Variants in TMEM45B observed in about 807,000 individuals in gnomAD.
TMEM45B encodes the protein transmembrane protein 45B.
A neutral mutation model predicts 27.3 loss-of-function variants in TMEM45B; 29 were observed. The observed-to-expected ratio is 1.06, with a 90% CI of 0.79 to 1.45. The LOEUF is 1.45. TMEM45B is among the 40% of genes most tolerant of loss of function. The probability of loss-of-function intolerance (pLI) is 0.00; values close to 1 mark genes in which losing one functional copy is unlikely to be tolerated. For missense variants in TMEM45B, 348 were observed against 343.9 expected (o/e 1.01, Z -0.09); for synonymous variants, 143 against 134.7 (o/e 1.06, Z -0.43).
At chr11:129,820,996 A>G (rs1591432504) in intron 1 of TMEM45B, among the ~76,000 whole-genome samples, 1 of 151,246 alleles carries the variant, frequency 6.6e-6, no homozygotes. Flanking sequence ...GCTCCTTTAC[A>G]CCCCCACCCT....
chr11:129,846,987 C>T (rs1947768784), intron 1 of TMEM45B, among the ~76,000 whole-genome samples: 1 of 152,094 alleles, frequency 6.6e-6, no homozygotes, highest in Admixed American at 6.6e-5. Context: ...TCGTATATGG[C>T]CTTATTGGCC....
At chr11:129,836,428 G>C (rs531101714) in intron 1 of TMEM45B, among the ~76,000 whole-genome samples, 1 of 152,274 alleles carries the variant, frequency 6.6e-6, no homozygotes, top group Admixed American at 6.5e-5. Flanking sequence ...ATGGGGATAA[G>C]TGTATTTTGC....
chr11:129,834,032 G>A (rs1947586632), intron 1 of TMEM45B, among the ~76,000 whole-genome samples: 1 of 152,228 alleles, frequency 6.6e-6, no homozygotes, highest in Non-Finnish European at 1.5e-5. Context: ...ATAGCGTGCT[G>A]TTGAGCAGAC....
At chr11:129,819,865 A>C (rs1430247999) in intron 1 of TMEM45B, among the ~76,000 whole-genome samples, 6 of 151,946 alleles carry the variant, frequency 3.9e-5, no homozygotes, top group African/African-American at 1.5e-4. Context: ...GTCCTTCTTT[A>C]TAATAAATAA....
rs1181903123 is a variant in TMEM45B at position 129,830,547 on chromosome 11, C to A, written c.-9+14649C>A. ...CAAGGACAGCATCAAGAAAAGACAA[C>A]TCACAGAATGGGAGAAAATATTTGC... On this transcript the variant is annotated intron_variant, in intron 1 of 5. Coordinates refer to ENST00000281441, the MANE Select transcript of TMEM45B (RefSeq NM_138788.5). Among the ~76,000 whole-genome samples the A allele has an allele frequency of 3.9e-5, 6 of 152,154 alleles. No homozygotes were observed. The East Asian group carries it at 9.6e-4, about 24-fold the overall frequency.
intron 4 of TMEM45B, among the ~76,000 whole-genome samples, chr11:129,856,378 A>AT (rs918522410): frequency 4.2e-5 from 6 of 143,768 alleles, no homozygotes; most frequent in African/African-American, 1.0e-4. Context: ...CACCTGGCTA[A>AT]TTTTTTTGTA....
At chr11:129,852,936 T>A (rs773502944) in intron 2 of TMEM45B, 2 of 306,682 alleles carry the variant, frequency 6.5e-6, no homozygotes, top group Non-Finnish European at 1.2e-5. Flanking sequence ...ACCCACTGTA[T>A]GAAAAAGATA....
rs764606680 is a variant in TMEM45B at position 129,857,339 on chromosome 11, T to C, written c.597T>C (p.Phe199=). 1.9e-6 allele frequency: 3 copies of C among 1,614,232 alleles called. No homozygotes were observed. In the Admixed American group the frequency reaches 5.0e-5, roughly 27 times the overall value. Residue 199 remains phenylalanine (F), a synonymous_variant, in exon 5 of 6, where the codon TTT becomes TTC. Coordinates refer to ENST00000281441, the MANE Select transcript of TMEM45B (RefSeq NM_138788.5). The part of the protein sequence containing the change: ...WQIGFVLFPP[F]GTPEWDQKDD... ...TTGGGTTTGTGCTGTTCCCACCTTT[T>C]GGAACACCCGAATGGGACCAGAAGG...
At chr11:129,840,946 T>TAAAAA (rs55905045) in intron 1 of TMEM45B, among the ~76,000 whole-genome samples, 1 of 29,262 alleles carries the variant, frequency 3.4e-5, no homozygotes, top group Non-Finnish European at 6.9e-5. Flanking sequence ...TTTCTTTCTG[T>TAAAAA]AAAAAAAAAA....
At chr11:129,855,324 TCA>T (rs905998360) in intron 3 of TMEM45B, among the ~76,000 whole-genome samples, 1 of 152,074 alleles carries the variant, frequency 6.6e-6, no homozygotes, top group Non-Finnish European at 1.5e-5. Flanking sequence ...CCAGTATGAC[TCA>T]CACTGACTGG....
At chr11:129,857,567 G>A in intron 5 of TMEM45B, 109 bp downstream of exon 5, 2 of 1,268,654 alleles carry the variant, frequency 1.6e-6, no homozygotes, top group East Asian at 2.3e-5. Flanking sequence ...TCTGTGCAAG[G>A]TACTCTCATG....
intron 1 of TMEM45B, among the ~76,000 whole-genome samples, chr11:129,839,724 C>A (rs1189757790): frequency 6.6e-6 from 1 of 152,000 alleles, no homozygotes; most frequent in Non-Finnish European, 1.5e-5. Context: ...TTAGTAGAGA[C>A]GGGTCTCACT....
At chr11:129,832,093 G>A (rs1050301797) in intron 1 of TMEM45B, among the ~76,000 whole-genome samples, 3 of 112,898 alleles carry the variant, frequency 2.7e-5, no homozygotes, top group African/African-American at 3.3e-5. Context: ...AAAAGGATCC[G>A]GACACAGTGG....
chr11:129,835,038 TTA>T (rs1947603717), intron 1 of TMEM45B, among the ~76,000 whole-genome samples: 2 of 152,194 alleles, frequency 1.3e-5, no homozygotes, highest in Admixed American at 1.3e-4. Flanking sequence ...AAAGCAGAAC[TTA>T]TAAATGATGA....
chr11:129,855,754 G>A lies in TMEM45B; in HGVS notation c.432G>A (p.Gln144=). 1.9e-6 allele frequency: 3 copies of A among 1,614,164 alleles called. 1 individual carries two copies. Among genetic ancestry groups the A allele is most frequent in the South Asian group, 2.2e-5 (2 of 91,078 alleles). The change falls in exon 4 of 6, where the codon CAG becomes CAA. Residue 144 remains glutamine (Q), a synonymous_variant. Transcript: ENST00000281441. Reference sequence around the variant, plus strand: ...TCCACAACCGGCCTCCGCTGGACCAGCACATCCACTCACTCCTGCTGTATG... The same window carrying A: ...TCCACAACCGGCCTCCGCTGGACCAACACATCCACTCACTCCTGCTGTATG... ...YHVHNRPPLD[Q]HIHSLLLYAL...
chr11:129,824,359 C>T (rs1005544546), intron 1 of TMEM45B, among the ~76,000 whole-genome samples: 1 of 152,150 alleles, frequency 6.6e-6, no homozygotes, highest in African/African-American at 2.4e-5. Flanking sequence ...CACAATATGT[C>T]TGTATCTGTT....
intron 1 of TMEM45B, among the ~76,000 whole-genome samples, chr11:129,838,374 G>A (rs1174920683): frequency 1.3e-5 from 2 of 152,134 alleles, no homozygotes; most frequent in Non-Finnish European, 2.9e-5. Flanking sequence ...CACTGGACTC[G>A]AGAATGACCT....
At chr11:129,819,767 G>A (rs1024847334) in intron 1 of TMEM45B, among the ~76,000 whole-genome samples, 1 of 151,778 alleles carries the variant, frequency 6.6e-6, no homozygotes, top group African/African-American at 2.4e-5. Flanking sequence ...TGTTGGTCAG[G>A]CTGGTCTTGA....
At chr11:129,858,061 A>G (rs762551684) in intron 5 of TMEM45B, among the ~76,000 whole-genome samples, 17 of 152,160 alleles carry the variant, frequency 1.1e-4, no homozygotes, top group Non-Finnish European at 2.1e-4. Flanking sequence ...AGGCTTCAAA[A>G]AGCTGAGTAA....
Sources: gnomAD v4.1 joint callset for allele counts (sites outside exome capture counted in the v4.1 genomes callset) on GRCh38, gnomAD v4.1.1 for gene constraint, MANE v1.5 for transcripts, NCBI Gene and HGNC (gene_info 2026-07-23, HGNC 2026-07-21) for gene names.